The following ALDH7A1 variants were observed in gnomAD, a reference collection of about 807,000 sequenced individuals.
The protein encoded by ALDH7A1 is alpha-aminoadipic semialdehyde dehydrogenase.
Under a neutral mutation model 79.9 loss-of-function variants are expected in ALDH7A1, and 63 were observed. That is an observed-to-expected ratio of 0.79 (90% CI 0.64 to 0.97). The LOEUF is 0.97. Ranked by LOEUF, ALDH7A1 falls within the 50% of genes least tolerant of loss-of-function variation. The pLI is 0.00. For missense variants in ALDH7A1, 627 were observed against 665.2 expected, an observed-to-expected ratio of 0.94 and a Z score of 0.63; for synonymous variants, 240 against 231.2, an observed-to-expected ratio of 1.04 and a Z score of -0.34.
rs1750104210 is a variant in ALDH7A1, at chr5:126,554,316, C to A, written c.1171G>T (p.Glu391Ter). ...FLGAVEEAKK[E>*]GGTVVYGGKV... ...CCCCCATAGACCACTGTGCCACCTT[C>A]TTTCTTTGCTTCTTCCACTGCTCCA... is the stretch of plus-strand genomic sequence containing the variant. The change falls in exon 13 of 18, where the codon GAA becomes TAA. Residue 391 changes from glutamate to a stop codon, truncating the protein, a stop_gained. Coordinates refer to ENST00000409134, the MANE Select transcript of ALDH7A1 (RefSeq NM_001182.5). LOFTEE classifies it high-confidence loss of function. 6 of 1,614,166 alleles carry A rather than the reference C, an allele frequency of 3.7e-6. No homozygotes were observed. The highest frequency in any genetic ancestry group is 5.1e-6 in the Non-Finnish European group (6 of 1,180,028).
Position 126,546,419 on chromosome 5 carries a change from T to A in ALDH7A1, c.1490-20A>T. On this transcript the variant is annotated intron_variant, in intron 16 of 17. Coordinates refer to ENST00000409134, the MANE Select transcript of ALDH7A1 (RefSeq NM_001182.5). ...CTCCTCCTAGAGAAATAAAAAATAA[T>A]ATCATATCTTCTGAGCAGTTTCCAT... 2 of 1,611,224 alleles carry A rather than the reference T, an allele frequency of 1.2e-6. No individual in the cohort carries two copies. Among genetic ancestry groups the A allele is most frequent in the Non-Finnish European group, 1.7e-6 (2 of 1,177,488 alleles).
rs1750184055 is a variant in ALDH7A1 at position 126,556,024 on chromosome 5, A to T, written c.1009-9T>A. 6.3e-7 allele frequency: 1 copy of T among 1,599,824 alleles called. No individual in the cohort carries two copies. Among genetic ancestry groups the T allele is most frequent in the Admixed American group, 1.7e-5 (1 of 59,924 alleles). On this transcript the variant is annotated splice_polypyrimidine_tract_variant and intron_variant, in intron 11 of 17. Coordinates refer to ENST00000409134, the MANE Select transcript of ALDH7A1 (RefSeq NM_001182.5). ...ATGCTTTCATGTATAAACTAAACGA[A>T]AAAAGATATTCAAGGGCATAGTATG...
At chr5:126,551,216 C>G (rs1749985283) in intron 14 of ALDH7A1, among the ~76,000 whole-genome samples, 1 of 152,148 alleles carries the variant, frequency 6.6e-6, no homozygotes, top group Non-Finnish European at 1.5e-5. Flanking sequence ...TGCCCAGCTT[C>G]TTCACCTATT....
chr5:126,593,202 A>T, intron 2 of ALDH7A1, 149 bp downstream of exon 2: 1 of 1,363,382 alleles, frequency 7.3e-7, no homozygotes, highest in Non-Finnish European at 9.9e-7. Context: ...TGAAAAATAA[A>T]CACATTATTC....
Position 126,560,128 on chromosome 5 carries a change from T to C in ALDH7A1, c.914-794A>G, listed in dbSNP as rs1477464774. 3.3e-5 allele frequency among the ~76,000 whole-genome samples: 5 copies of C among 152,264 alleles called. No individual in the cohort carries two copies. The East Asian group carries it at 5.8e-4, about 18-fold the overall frequency. ...GCTGAACACAGTACCCGGCAGACACTAGTGCTCACTAAATGCGAACTATAT... is the reference window on the plus strand; with the variant it reads ...GCTGAACACAGTACCCGGCAGACACCAGTGCTCACTAAATGCGAACTATAT... On this transcript the variant is annotated intron_variant, in intron 10 of 17. Coordinates refer to ENST00000409134, the MANE Select transcript of ALDH7A1 (RefSeq NM_001182.5).
intron 5 of ALDH7A1, chr5:126,581,429 A>G (rs1348872822): frequency 6.6e-6 from 1 of 150,484 alleles, no homozygotes. Flanking sequence ...TGAGCCCCGG[A>G]GTTCGAGACC....
chr5:126,577,258 T>C, intron 5 of ALDH7A1, 47 bp from the exon 6 acceptor site: 1 of 1,610,076 alleles, frequency 6.2e-7, no homozygotes, highest in Non-Finnish European at 8.5e-7. Context: ...GTTAATTTAA[T>C]GCCCATCAAG....
chr5:126,575,524 AC>A lies in ALDH7A1; in HGVS notation c.651-61del, dbSNP rs1446273172. On this transcript the variant is annotated intron_variant, in intron 6 of 17. Transcript: ENST00000409134. ...AACTTATTTGACGGAAACCATAAATACCTTTTATTATCAAACAGAAGCAAAA... is the reference window on the plus strand; with the variant it reads ...AACTTATTTGACGGAAACCATAAATACTTTTATTATCAAACAGAAGCAAAA... 29 of 1,449,334 alleles carry A rather than the reference AC, an allele frequency of 2.0e-5. No individual in the cohort carries two copies. The African/African-American group carries it at 3.9e-4, about 20-fold the overall frequency. The allele number at this position is 1,449,334 out of a possible 1,614,324, so 89.8% of individuals were successfully genotyped here.
chr5:126,583,845 A>C, intron 4 of ALDH7A1, 87 bp downstream of exon 4: 1 of 1,228,064 alleles, frequency 8.1e-7, no homozygotes, highest in South Asian at 1.3e-5. Flanking sequence ...CTCAAAAAAA[A>C]AAAACCTCAC....
chr5:126,572,248 C>A (rs1011598599), intron 7 of ALDH7A1, among the ~76,000 whole-genome samples: 1 of 152,164 alleles, frequency 6.6e-6, no homozygotes, highest in Admixed American at 6.6e-5. Flanking sequence ...CCCTAAAATA[C>A]CCTTTATAGC....
chr5:126,592,311 C>T, intron 3 of ALDH7A1: 1 of 261,724 alleles, frequency 3.8e-6, no homozygotes, highest in Non-Finnish European at 7.3e-6. Flanking sequence ...AGAGGAGGAG[C>T]AAACAAATAT....
chr5:126,594,162 G>T (rs559141820), intron 1 of ALDH7A1: 40 of 469,886 alleles, frequency 8.5e-5, no homozygotes, highest in South Asian at 6.2e-4. Context: ...TATCAGGCGC[G>T]GTGTTAAGCC....
chr5:126,544,607 CA>C lies in ALDH7A1; in HGVS notation c.*357del. 1 of 314,828 alleles carries C rather than the reference CA, an allele frequency of 3.2e-6. No homozygotes were observed. 19.5% of individuals were successfully genotyped at this position (314,828 alleles called of 1,614,324 possible). ...GTCAGGAGACACCCTGTATCTACTG[CA>C]AAGACTTCTGTTTTCTCCTCGGTTC... On this transcript the variant is annotated 3_prime_UTR_variant, in exon 18 of 18. Coordinates refer to ENST00000409134, the MANE Select transcript of ALDH7A1 (RefSeq NM_001182.5).
At chr5:126,571,978 T>G (rs973017734) in intron 7 of ALDH7A1, among the ~76,000 whole-genome samples, 2 of 151,540 alleles carry the variant, frequency 1.3e-5, no homozygotes, top group Non-Finnish European at 2.9e-5. Flanking sequence ...ACAAGCAGAG[T>G]TTTTTCTCTT....
At position 126,575,316 on chromosome 5, in the gene ALDH7A1, T is replaced by C. The variant is rs1750927384; in HGVS notation, c.695+104A>G. Reference sequence around the variant, plus strand: ...GCAAAGGAGAAAGAGGTTATCCAAATTCCATGCTATGTGACTCTGACATCA... The same window carrying C: ...GCAAAGGAGAAAGAGGTTATCCAAACTCCATGCTATGTGACTCTGACATCA... On this transcript the variant is annotated intron_variant, in intron 7 of 17. Transcript: ENST00000409134. 2.8e-6 allele frequency: 3 copies of C among 1,078,116 alleles called. No homozygotes were observed. In the East Asian group the frequency reaches 7.4e-5, roughly 27 times the overall value. The allele number at this position is 1,078,116 out of a possible 1,614,324, so 66.8% of individuals were successfully genotyped here. A position where few individuals can be genotyped will look rare whatever the true frequency, so the allele number is the denominator to read the frequency against.
chr5:126,565,339 G>C (rs1750540530), intron 9 of ALDH7A1, among the ~76,000 whole-genome samples: 2 of 137,794 alleles, frequency 1.5e-5, no homozygotes, highest in Admixed American at 8.0e-5. Context: ...GTTGCAGTGA[G>C]CCAGGATCTC....
chr5:126,593,494 G>C, intron 1 of ALDH7A1, 90 bp from the exon 2 acceptor site: 1 of 1,563,846 alleles, frequency 6.4e-7, no homozygotes, highest in South Asian at 1.1e-5. Flanking sequence ...AAACAAGAGA[G>C]GAAAAAATGA....
In ALDH7A1 at chr5:126,570,788, T is replaced by C; in HGVS notation, c.767A>G (p.Asp256Gly). ...TCTCAGCCTAGTAACCTACCCAATA[T>C]CTGCTCCACCACAAGTCAAGGAACA... is the stretch of plus-strand genomic sequence containing the variant. Reference protein sequence around the residue: ...AICSLTCGGADIGTAMAKDER... With the variant: ...AICSLTCGGAGIGTAMAKDER... The change falls in exon 8 of 18, where the codon GAT becomes GGT. Residue 256 changes from aspartate (D) to glycine (G), a missense_variant. Asp to Gly is a moderately conservative substitution (Grantham distance 94, BLOSUM62 -1). Transcript: ENST00000409134. The C allele has an allele frequency of 1.9e-6, 3 of 1,614,000 alleles. No individual in the cohort carries two copies. Among genetic ancestry groups the C allele is most frequent in the Non-Finnish European group, 2.5e-6 (3 of 1,179,894 alleles).
At chr5:126,593,998 C>A in intron 1 of ALDH7A1, 1 of 296,548 alleles carries the variant, frequency 3.4e-6, no homozygotes, top group South Asian at 3.0e-5. Context: ...TCTACCAAGG[C>A]AGGTTCATTA....
Sources: allele counts gnomAD v4.1 joint callset (sites outside exome capture counted in the v4.1 genomes callset), GRCh38; gene constraint gnomAD v4.1.1; transcripts MANE v1.5; gene names NCBI Gene and HGNC (gene_info 2026-07-23, HGNC 2026-07-21).